The following ADGRL2 variants were observed in gnomAD, a reference collection of about 807,000 sequenced individuals.
ADGRL2 encodes the protein calcium-independent alpha-latrotoxin receptor 2.
In ADGRL2, 44 loss-of-function variants were observed where a neutral mutation model predicts 157.4. The ratio of observed to expected loss-of-function variants is 0.28; its 90% CI spans 0.22 to 0.36. The LOEUF is 0.36. Ranked by LOEUF, ADGRL2 falls within the 10% of genes least tolerant of loss-of-function variation. The pLI, the probability that ADGRL2 is intolerant of heterozygous loss-of-function variation, is 1.00. For synonymous variants in ADGRL2, 585 were observed against 624.7 expected (o/e 0.94, Z 0.95); for missense variants, 1,510 against 1,768.9 (o/e 0.85, Z 2.63).
chr1:81,481,670 T>C (rs1026098303), intron 2 of ADGRL2, among the ~76,000 whole-genome samples: 10 of 152,164 alleles, frequency 6.6e-5, no homozygotes, highest in Non-Finnish European at 1.2e-4. Flanking sequence ...CTAAATAAGG[T>C]GAAATGAGGT....
At chr1:81,666,645 C>T (rs1448428823) in intron 3 of ADGRL2, among the ~76,000 whole-genome samples, 1 of 152,100 alleles carries the variant, frequency 6.6e-6, no homozygotes, top group African/African-American at 2.4e-5. Flanking sequence ...CCTATGATGG[C>T]CCATGAATAA....
At chr1:81,706,987 G>T (rs946149926) in intron 1 of ADGRL2, among the ~76,000 whole-genome samples, 4 of 152,096 alleles carry the variant, frequency 2.6e-5, no homozygotes, top group African/African-American at 4.8e-5. Flanking sequence ...CTTTCTAGGG[G>T]TTTAGCCCTA....
chr1:81,557,500 AGAAAGAAAGAAAGAAAG>A (rs2080329378), intron 2 of ADGRL2: 2 of 117,002 alleles, frequency 1.7e-5, no homozygotes, highest in Admixed American at 1.9e-4. Flanking sequence ...AAAGAAAGAA[AGAAAGAAAGAAAGAAAG>A]AAAGAAAGAG....
chr1:81,707,763 G>T (rs1223584366), intron 1 of ADGRL2, among the ~76,000 whole-genome samples: 1 of 151,984 alleles, frequency 6.6e-6, no homozygotes, highest in Non-Finnish European at 1.5e-5. Flanking sequence ...TATTATTTTT[G>T]CCCTATTCGA....
intron 2 of ADGRL2, among the ~76,000 whole-genome samples, chr1:81,478,502 G>A (rs2078319117): frequency 6.6e-6 from 1 of 152,222 alleles, no homozygotes; most frequent in South Asian, 2.1e-4. Flanking sequence ...TTTAAGTGCA[G>A]CTGGTGCTGG....
chr1:81,510,394 A>G (rs1346393906), intron 2 of ADGRL2, among the ~76,000 whole-genome samples: 2 of 152,170 alleles, frequency 1.3e-5, no homozygotes, highest in Non-Finnish European at 2.9e-5. Flanking sequence ...TGAGTAATGA[A>G]AAGAAGGCTG....
intron 3 of ADGRL2, among the ~76,000 whole-genome samples, chr1:81,913,324 T>C (rs536926216): frequency 1.0e-3 from 155 of 152,362 alleles, no homozygotes; most frequent in African/African-American, 3.5e-3. Context: ...TGTATATGTA[T>C]GTGCATTACT....
chr1:81,947,780 T>C (rs1650359476), intron 6 of ADGRL2, among the ~76,000 whole-genome samples: 1 of 152,224 alleles, frequency 6.6e-6, no homozygotes, highest in African/African-American at 2.4e-5. Flanking sequence ...CCTTCCAAAA[T>C]TCCAGAAATT....
At chr1:81,575,246 C>T (rs112201358) in intron 2 of ADGRL2, among the ~76,000 whole-genome samples, 4 of 152,244 alleles carry the variant, frequency 2.6e-5, no homozygotes, top group Non-Finnish European at 5.9e-5. Flanking sequence ...GCTGAGGTCA[C>T]GAACTTGTCT....
At chr1:81,586,724 GCA>G (rs1379137412) in intron 3 of ADGRL2, among the ~76,000 whole-genome samples, 1 of 152,038 alleles carries the variant, frequency 6.6e-6, no homozygotes, top group Non-Finnish European at 1.5e-5. Context: ...AGTGAGTACA[GCA>G]CAGAGAGGAA....
chr1:81,317,036 A>T (rs1297343941), intron 1 of ADGRL2, among the ~76,000 whole-genome samples: 1 of 152,114 alleles, frequency 6.6e-6, no homozygotes, highest in Non-Finnish European at 1.5e-5. Context: ...AGTGATTCTC[A>T]ACTAGGGATG....
At chr1:81,582,458 C>T (rs549817179) in intron 3 of ADGRL2, among the ~76,000 whole-genome samples, 1 of 152,104 alleles carries the variant, frequency 6.6e-6, no homozygotes, top group African/African-American at 2.4e-5. Context: ...GATTGTAATT[C>T]CATGTTGTGT....
chr1:81,764,162 A>T (rs1309285491), intron 2 of ADGRL2, among the ~76,000 whole-genome samples: 1 of 142,384 alleles, frequency 7.0e-6, no homozygotes, highest in African/African-American at 2.6e-5. Context: ...ACTGCACTCC[A>T]GCTTGGGTGA....
At chr1:81,895,609 G>A (rs1159031847) in intron 2 of ADGRL2, among the ~76,000 whole-genome samples, 2 of 151,846 alleles carry the variant, frequency 1.3e-5, no homozygotes, top group Admixed American at 1.3e-4. Context: ...TGGCCAGGCT[G>A]GTCTCAAACT....
chr1:81,638,671 A>G (rs1382060843), intron 3 of ADGRL2, among the ~76,000 whole-genome samples: 2 of 152,214 alleles, frequency 1.3e-5, no homozygotes, highest in African/African-American at 4.8e-5. Context: ...AAAAAACTTT[A>G]AAAACAAGTA....
At chr1:81,454,533 T>G (rs117204924) in intron 2 of ADGRL2, among the ~76,000 whole-genome samples, 1 of 152,182 alleles carries the variant, frequency 6.6e-6, no homozygotes, top group African/African-American at 2.4e-5. Flanking sequence ...AGAGGGCTAA[T>G]TGGTAGCAGA....
intron 3 of ADGRL2, among the ~76,000 whole-genome samples, chr1:81,930,943 C>G (rs1344767258): frequency 6.6e-6 from 1 of 151,668 alleles, no homozygotes; most frequent in Non-Finnish European, 1.5e-5. Context: ...ACCAGCCTGC[C>G]CAACATGATG....
intron 2 of ADGRL2, among the ~76,000 whole-genome samples, chr1:81,560,561 C>T (rs1262812848): frequency 6.6e-6 from 1 of 152,100 alleles, no homozygotes; most frequent in African/African-American, 2.4e-5. Flanking sequence ...GGGAATTCAA[C>T]ACATCTTTTT....
Position 81,405,144 on chromosome 1 carries a change from G to A in ADGRL2, c.-301-39892G>A, listed in dbSNP as rs12086050. On this transcript the variant is annotated intron_variant, in intron 1 of 24. Transcript: ENST00000370721. ...ACGGTGCTGTAATAGGCCTTTTTAG[G>A]TATATGCAAGTGTAGCATGAGGAAT... Among the ~76,000 whole-genome samples, 318 of 152,210 alleles carry A rather than the reference G, an allele frequency of 2.1e-3. 3 individuals are homozygous for A. The highest frequency in any genetic ancestry group is 7.1e-3 in the African/African-American group (293 of 41,556).
Sources: gnomAD v4.1 joint callset for allele counts (sites outside exome capture counted in the v4.1 genomes callset) on GRCh38, gnomAD v4.1.1 for gene constraint, MANE v1.5 for transcripts, NCBI Gene and HGNC (gene_info 2026-07-23, HGNC 2026-07-21) for gene names.